The following COLGALT2 variants were observed in gnomAD, a reference collection of about 807,000 sequenced individuals.
COLGALT2 encodes the protein procollagen galactosyltransferase 2.
A neutral mutation model predicts 73.4 loss-of-function variants in COLGALT2; 49 were observed. The ratio of observed to expected loss-of-function variants is 0.67; its 90% confidence interval spans 0.53 to 0.85. The LOEUF (loss-of-function observed/expected upper bound fraction) is 0.85, where lower values mean the gene tolerates loss of function less well. Among genes scored for constraint, COLGALT2 ranks in the 40% least tolerant of loss-of-function variants. The pLI, the probability that COLGALT2 is intolerant of heterozygous loss-of-function variation, is 0.00. For missense variants in COLGALT2, 722 were observed against 790.2 expected, an observed-to-expected ratio of 0.91 and a Z score of 1.03; for synonymous variants, 295 against 307.6, an observed-to-expected ratio of 0.96 and a Z score of 0.43.
chr1:183,963,989 G>A lies in COLGALT2; in HGVS notation c.864C>T (p.His288=), dbSNP rs749642589. The A allele has an allele frequency of 2.5e-6, 4 of 1,613,584 alleles. No individual in the cohort carries two copies. The highest frequency in any genetic ancestry group is 3.3e-5 in the Admixed American group (2 of 59,952). Reference sequence around the variant, plus strand: ...TCAGGGGGATGGGCAGGTAGCCATAGTGCTCTCTGTTGCAGAGGTACATCT... The same window carrying A: ...TCAGGGGGATGGGCAGGTAGCCATAATGCTCTCTGTTGCAGAGGTACATCT... The part of the protein sequence containing the change: ...GIQMYLCNRE[H]YGYLPIPLKP... The change falls in exon 6 of 12, where the codon CAC becomes CAT. Residue 288 remains histidine, a synonymous_variant. Transcript: ENST00000361927.
Position 183,935,889 on chromosome 1 carries a change from T to C in COLGALT2, c.*2872A>G, listed in dbSNP as rs1669938026. On this transcript the variant is annotated 3_prime_UTR_variant, in exon 12 of 12. Transcript: ENST00000361927. ...AAAGAGCTCCAGAAGGCAAATAGTT[T>C]ATCACTTCCCCACTCTGAAATAGCA... is the stretch of plus-strand genomic sequence containing the variant. 2 of 985,456 alleles carry C rather than the reference T, an allele frequency of 2.0e-6. No individual in the cohort carries two copies. The highest frequency in any genetic ancestry group is 1.7e-5 in the African/African-American group (1 of 57,344). 61.0% of individuals were successfully genotyped at this position (985,456 alleles called of 1,614,324 possible). A position where few individuals can be genotyped will look rare whatever the true frequency, so the allele number is the denominator to read the frequency against.
At chr1:184,006,749 A>C (rs1219017522) in intron 1 of COLGALT2, among the ~76,000 whole-genome samples, 2 of 151,996 alleles carry the variant, frequency 1.3e-5, no homozygotes, top group African/African-American at 4.8e-5. Context: ...ATCTTCACCA[A>C]CCCTGCATAA....
At chr1:184,028,286 T>A (rs780733639) in intron 1 of COLGALT2, among the ~76,000 whole-genome samples, 19 of 152,180 alleles carry the variant, frequency 1.2e-4, no homozygotes, top group Non-Finnish European at 2.6e-4. Context: ...TTCCCAAGAC[T>A]CTAAAATGCA....
chr1:183,974,382 C>T (rs2025807), intron 3 of COLGALT2, among the ~76,000 whole-genome samples: 12,231 of 152,170 alleles, frequency 0.08, 998 homozygotes, highest in East Asian at 0.47. Context: ...CAGATTTTAC[C>T]TTTTGTAGGT....
intron 1 of COLGALT2, among the ~76,000 whole-genome samples, chr1:184,004,849 G>A (rs1369384030): frequency 1.3e-5 from 2 of 152,168 alleles, no homozygotes; most frequent in Non-Finnish European, 2.9e-5. Context: ...AGAGCAGGGG[G>A]ACGTGGGAGT....
chr1:184,018,721 A>G (rs1379928368), intron 1 of COLGALT2, among the ~76,000 whole-genome samples: 1 of 152,234 alleles, frequency 6.6e-6, no homozygotes, highest in African/African-American at 2.4e-5. Context: ...GGTATTTTAG[A>G]GTCAAATTTG....
chr1:183,955,558 A>G (rs1039820830), intron 6 of COLGALT2, among the ~76,000 whole-genome samples: 1 of 152,136 alleles, frequency 6.6e-6, no homozygotes, highest in Non-Finnish European at 1.5e-5. Context: ...TTCAATAATG[A>G]AAGTTTTATT....
chr1:183,950,918 T>G (rs1013531623), intron 8 of COLGALT2, 89 bp downstream of exon 8: 48 of 958,258 alleles, frequency 5.0e-5, no homozygotes, highest in Non-Finnish European at 1.5e-5. Flanking sequence ...CCGAAGAGAC[T>G]TAGAGCCCCA....
In COLGALT2 at chr1:183,969,411, G is replaced by GA; in HGVS notation, c.689dup (p.Val232ArgfsTer11). 6.2e-7 allele frequency: 1 copy of GA among 1,613,878 alleles called. No homozygotes were observed. Among genetic ancestry groups the GA allele is most frequent in the East Asian group, 2.2e-5 (1 of 44,874 alleles). ...AGGTGGAGTGGACCATGGGGACGGGGAAGCAGCCTGTCCTCTTCCATTCTC... is the reference window on the plus strand; with the variant it reads ...AGGTGGAGTGGACCATGGGGACGGGGAAAGCAGCCTGTCCTCTTCCATTCTC... On this transcript the variant is annotated frameshift_variant, in exon 5 of 12. Coordinates refer to ENST00000361927, the MANE Select transcript of COLGALT2 (RefSeq NM_015101.4). LOFTEE classifies it high-confidence loss of function.
chr1:183,947,213 C>G (rs1054770242), intron 8 of COLGALT2, among the ~76,000 whole-genome samples: 1 of 152,148 alleles, frequency 6.6e-6, no homozygotes, highest in Non-Finnish European at 1.5e-5. Context: ...GACAAGGAAA[C>G]AGAAGACTTG....
intron 8 of COLGALT2, among the ~76,000 whole-genome samples, chr1:183,947,586 G>A (rs908795930): frequency 3.9e-5 from 6 of 152,098 alleles, no homozygotes; most frequent in African/African-American, 9.7e-5. Flanking sequence ...AAACTTATGC[G>A]ATACACTTAA....
chr1:183,950,474 T>TAAA (rs200217667), intron 8 of COLGALT2, among the ~76,000 whole-genome samples: 1 of 119,464 alleles, frequency 8.4e-6, no homozygotes. Flanking sequence ...CTGAACAAAA[T>TAAA]AAAAAAAAAA....
intron 6 of COLGALT2, among the ~76,000 whole-genome samples, chr1:183,959,464 A>G (rs140413117): frequency 1.3e-5 from 2 of 152,280 alleles, no homozygotes; most frequent in African/African-American, 2.4e-5. Flanking sequence ...ATGGCATATC[A>G]GGCTAAAATC....
chr1:184,030,192 A>G (rs539610936), intron 1 of COLGALT2, among the ~76,000 whole-genome samples: 1 of 152,236 alleles, frequency 6.6e-6, no homozygotes, highest in Non-Finnish European at 1.5e-5. Context: ...ATTTTTAAAA[A>G]CTAACAATTT....
Position 183,944,263 on chromosome 1 carries a change from G to A in COLGALT2, c.1330C>T (p.Gln444Ter). 6.2e-7 allele frequency: 1 copy of A among 1,614,018 alleles called. No individual in the cohort carries two copies. The highest frequency in any genetic ancestry group is 8.5e-7 in the Non-Finnish European group (1 of 1,179,984). The change falls in exon 10 of 12, where the codon CAG becomes TAG. Residue 444 changes from glutamine to a stop codon, truncating the protein, a stop_gained. Transcript: ENST00000361927. LOFTEE classifies it high-confidence loss of function. ...VIEDDVRFEH[Q>*]FKKKLMKLMD... ...AGCTTCATCAGCTTCTTCTTAAACT[G>A]ATGCTCAAAACGCACATCGTCTTCA...
intron 1 of COLGALT2, among the ~76,000 whole-genome samples, chr1:184,012,180 G>C (rs977015844): frequency 2.6e-5 from 4 of 152,162 alleles, no homozygotes; most frequent in Non-Finnish European, 4.4e-5. Flanking sequence ...TCTTTAGGAT[G>C]ATGAGTAAAA....
At chr1:183,948,615 A>G (rs967408561) in intron 8 of COLGALT2, among the ~76,000 whole-genome samples, 1 of 152,214 alleles carries the variant, frequency 6.6e-6, no homozygotes, top group Non-Finnish European at 1.5e-5. Context: ...AATTAACATC[A>G]TACTTAGCAG....
intron 1 of COLGALT2, among the ~76,000 whole-genome samples, chr1:184,013,276 C>T (rs1011021316): frequency 6.6e-6 from 1 of 152,344 alleles, no homozygotes; most frequent in African/African-American, 2.4e-5. Flanking sequence ...GACTGTGCCA[C>T]TGCACTCCAG....
At chr1:183,959,029 T>C (rs553504586) in intron 6 of COLGALT2, among the ~76,000 whole-genome samples, 2 of 152,254 alleles carry the variant, frequency 1.3e-5, no homozygotes, top group Non-Finnish European at 1.5e-5. Context: ...GTTCTCATCA[T>C]TGCACTGAAG....
Sources: allele counts gnomAD v4.1 joint callset (sites outside exome capture counted in the v4.1 genomes callset), GRCh38; gene constraint gnomAD v4.1.1; transcripts MANE v1.5; gene names NCBI Gene and HGNC (gene_info 2026-07-23, HGNC 2026-07-21).